Variants in ZBTB20 observed in about 807,000 individuals in gnomAD.
ZBTB20 encodes the protein zinc finger and BTB domain-containing protein 20.
Under a neutral mutation model 56.9 loss-of-function variants are expected in ZBTB20, and 9 were observed. The ratio of observed to expected loss-of-function variants is 0.16; its 90% confidence interval spans 0.10 to 0.28. The LOEUF is 0.28. Among genes scored for constraint, ZBTB20 ranks in the 10% least tolerant of loss-of-function variants. The pLI, the probability that ZBTB20 is intolerant of heterozygous loss-of-function variation, is 1.00. For missense variants in ZBTB20, 655 were observed against 1,003.0 expected, an observed-to-expected ratio of 0.65 and a Z score of 4.69; for synonymous variants, 417 against 420.7, an observed-to-expected ratio of 0.99 and a Z score of 0.11.
At position 114,748,380 on chromosome 3, in the gene ZBTB20, T is replaced by TCTCTCTCTCTCTCTC. The variant is rs1277740782; in HGVS notation, c.-343+52720_-343+52721insGAGAGAGAGAGAGAG. On this transcript the variant is annotated intron_variant, in intron 5 of 11. Coordinates refer to ENST00000675478, the MANE Select transcript of ZBTB20 (RefSeq NM_001348800.3). ...TCTCTCTCTCTCTCTCTCTCTCTCT[T>TCTCTCTCTCTCTCTC]TCTTTCTTTTGGCTTTGTTGTAGCT... Among the ~76,000 whole-genome samples the TCTCTCTCTCTCTCTC allele has an allele frequency of 7.5e-4, 27 of 36,114 alleles. 2 individuals carry two copies. The highest frequency in any genetic ancestry group is 5.8e-3 in the South Asian group (6 of 1,042). The allele number at this position is 36,114 out of a possible 152,430, so 23.7% of individuals were successfully genotyped here. A position where few individuals can be genotyped will look rare whatever the true frequency, so the allele number is the denominator to read the frequency against.
At chr3:114,679,184 A>G (rs1482917042) in intron 6 of ZBTB20, among the ~76,000 whole-genome samples, 2 of 152,234 alleles carry the variant, frequency 1.3e-5, no homozygotes, top group African/African-American at 2.4e-5. Flanking sequence ...AAAACCCTAG[A>G]AGAAAACCTA....
chr3:114,359,299 C>T (rs1176787432), intron 10 of ZBTB20: 1 of 152,118 alleles, frequency 6.6e-6, no homozygotes, highest in Non-Finnish European at 1.5e-5. Context: ...ATTTTTTATA[C>T]TTTGAGCATC....
chr3:114,928,268 G>A (rs1014255902), intron 3 of ZBTB20, among the ~76,000 whole-genome samples: 1 of 152,214 alleles, frequency 6.6e-6, no homozygotes, highest in Non-Finnish European at 1.5e-5. Flanking sequence ...AGGCTTAGCC[G>A]TTTCTAAGTC....
intron 1 of ZBTB20, among the ~76,000 whole-genome samples, chr3:115,089,801 T>C (rs1383189473): frequency 6.6e-6 from 1 of 151,760 alleles, no homozygotes; most frequent in Non-Finnish European, 1.5e-5. Flanking sequence ...GAAAGGTGCT[T>C]AGCAATATCT....
intron 2 of ZBTB20, among the ~76,000 whole-genome samples, chr3:115,046,493 A>C (rs1361567758): frequency 6.6e-6 from 1 of 152,190 alleles, no homozygotes; most frequent in African/African-American, 2.4e-5. Context: ...ACCAAAATTA[A>C]TATTCTAAAG....
chr3:114,737,593 G>T (rs1212015399), intron 5 of ZBTB20, among the ~76,000 whole-genome samples: 1 of 152,020 alleles, frequency 6.6e-6, no homozygotes, highest in East Asian at 1.9e-4. Flanking sequence ...AATCTACACG[G>T]ATAACTTCTA....
intron 1 of ZBTB20, among the ~76,000 whole-genome samples, chr3:115,088,863 T>G (rs1362186032): frequency 6.6e-6 from 1 of 151,872 alleles, no homozygotes; most frequent in Non-Finnish European, 1.5e-5. Flanking sequence ...GAAATTGTTG[T>G]GTTTCACAGC....
In ZBTB20 at chr3:114,673,164, G is replaced by A. The variant is rs567849059; in HGVS notation, c.-295+20364C>T. 3.2e-4 allele frequency among the ~76,000 whole-genome samples: 48 copies of A among 152,190 alleles called. 1 individual carries two copies. Among genetic ancestry groups the A allele is most frequent in the African/African-American group, 1.1e-3 (47 of 41,530 alleles). ...CCCAAAGCACCAAAGTAAGGACAGC[G>A]GGCCATTTTCCCAAGATCTTTCTTC... On this transcript the variant is annotated intron_variant, in intron 6 of 11. Transcript: ENST00000675478.
intron 6 of ZBTB20, among the ~76,000 whole-genome samples, chr3:114,646,233 T>C (rs1266079510): frequency 6.6e-6 from 1 of 151,856 alleles, no homozygotes; most frequent in African/African-American, 2.4e-5. Flanking sequence ...AACCCTGTCC[T>C]TGATGCCCTC....
intron 7 of ZBTB20, among the ~76,000 whole-genome samples, chr3:114,441,033 A>C (rs1304094678): frequency 6.6e-6 from 1 of 152,102 alleles, no homozygotes; most frequent in Non-Finnish European, 1.5e-5. Context: ...GTGAAAAACT[A>C]TTTTGCTATT....
At chr3:114,521,414 T>C (rs1466821331) in intron 6 of ZBTB20, among the ~76,000 whole-genome samples, 1 of 152,212 alleles carries the variant, frequency 6.6e-6, no homozygotes, top group Non-Finnish European at 1.5e-5. Context: ...GTTTCATTCT[T>C]ATCTAACTCT....
At chr3:115,121,692 T>C (rs1053470874) in intron 1 of ZBTB20, among the ~76,000 whole-genome samples, 2 of 151,980 alleles carry the variant, frequency 1.3e-5, no homozygotes, top group African/African-American at 4.8e-5. Context: ...GATATTATAG[T>C]TTATAGAGAT....
chr3:114,780,428 C>T (rs1034977198), intron 5 of ZBTB20, among the ~76,000 whole-genome samples: 1 of 152,162 alleles, frequency 6.6e-6, no homozygotes, highest in Admixed American at 6.5e-5. Context: ...GATGCATTCT[C>T]TAATATATAT....
In ZBTB20 at chr3:114,336,598, C is replaced by CTTACA. The variant is rs1405092196; in HGVS notation, c.*2402_*2406dup. On this transcript the variant is annotated 3_prime_UTR_variant, in exon 12 of 12. Coordinates refer to ENST00000675478, the MANE Select transcript of ZBTB20 (RefSeq NM_001348800.3). ...TCACAAACACTTCAGTTACACTAAC[C>CTTACA]TTACAAAGCATCACAAAGAACTTAT... The CTTACA allele has an allele frequency of 6.6e-6, 1 of 152,110 alleles. No homozygotes were observed. Among genetic ancestry groups the CTTACA allele is most frequent in the East Asian group, 1.9e-4 (1 of 5,198 alleles). 9.4% of individuals were successfully genotyped at this position (152,110 alleles called of 1,614,324 possible).
chr3:114,764,758 T>C (rs2068672846), intron 5 of ZBTB20, among the ~76,000 whole-genome samples: 1 of 152,190 alleles, frequency 6.6e-6, no homozygotes, highest in South Asian at 2.1e-4. Context: ...GAAAATAATA[T>C]ATTGGTACCT....
rs146819256 is a variant in ZBTB20 at position 114,937,134 on chromosome 3, G to C, written c.-455-36792C>G. 1.5e-3 allele frequency among the ~76,000 whole-genome samples: 221 copies of C among 152,326 alleles called. 1 individual carries two copies. The highest frequency in any genetic ancestry group is 5.1e-3 in the African/African-American group (211 of 41,570). On this transcript the variant is annotated intron_variant, in intron 3 of 11. Transcript: ENST00000675478. ...TTATAATCCTTTGGGTATATAGCCA[G>C]TAATGGGATTGCTGGGTCAAATGGT...
intron 6 of ZBTB20, among the ~76,000 whole-genome samples, chr3:114,544,170 A>C (rs2049445618): frequency 6.6e-6 from 1 of 152,212 alleles, no homozygotes; most frequent in African/African-American, 2.4e-5. Flanking sequence ...TAAAGCAGTG[A>C]CCATTTAAGT....
At chr3:114,466,127 T>G (rs2092541176) in intron 7 of ZBTB20, among the ~76,000 whole-genome samples, 1 of 152,126 alleles carries the variant, frequency 6.6e-6, no homozygotes, top group Non-Finnish European at 1.5e-5. Context: ...GCTATGTAGA[T>G]TTCAAGAATG....
rs999187083 is a variant in ZBTB20 at position 114,374,758 on chromosome 3, G to A, written c.199+5459C>T. Among the ~76,000 whole-genome samples the A allele has an allele frequency of 6.6e-5, 10 of 152,290 alleles. No homozygotes were observed. The East Asian group carries it at 1.9e-3, about 29-fold the overall frequency. ...TTGATTATACATTTTGAACATTTATGGAGGTTTTCTGGGGCCAAAATGTTT... is the reference window on the plus strand; with the variant it reads ...TTGATTATACATTTTGAACATTTATAGAGGTTTTCTGGGGCCAAAATGTTT... On this transcript the variant is annotated intron_variant, in intron 10 of 11. Coordinates refer to ENST00000675478, the MANE Select transcript of ZBTB20 (RefSeq NM_001348800.3).
Sources: allele counts gnomAD v4.1 joint callset (sites outside exome capture counted in the v4.1 genomes callset), GRCh38; gene constraint gnomAD v4.1.1; transcripts MANE v1.5; gene names NCBI Gene and HGNC (gene_info 2026-07-23, HGNC 2026-07-21).